YEATS2: variants seen among roughly 807,000 people sequenced by gnomAD.
YEATS2 encodes YEATS domain-containing protein 2.
In YEATS2, 77 loss-of-function variants were observed where a neutral mutation model predicts 163.2. The observed-to-expected ratio is 0.47, with a 90% CI of 0.39 to 0.57. The LOEUF (loss-of-function observed/expected upper bound fraction) is 0.57. Ranked by LOEUF, YEATS2 falls within the 20% of genes least tolerant of loss-of-function variation. The probability of loss-of-function intolerance (pLI) is 0.00; values close to 1 mark genes in which losing one functional copy is unlikely to be tolerated. For missense variants in YEATS2, 1,549 were observed against 1,729.8 expected, an observed-to-expected ratio of 0.90 and a Z score of 1.85; for synonymous variants, 631 against 645.1, an observed-to-expected ratio of 0.98 and a Z score of 0.33.
At chr3:183,716,681 T>C (rs555018650) in intron 2 of YEATS2, among the ~76,000 whole-genome samples, 2 of 152,280 alleles carry the variant, frequency 1.3e-5, no homozygotes, top group Admixed American at 1.3e-4. Flanking sequence ...CAGGGAAAAG[T>C]GATTGTTTTA....
At chr3:183,752,044 A>G (rs1720222133) in intron 9 of YEATS2, 29 bp from the exon 10 acceptor site, 1 of 1,612,648 alleles carries the variant, frequency 6.2e-7, no homozygotes, top group Admixed American at 1.7e-5. Context: ...TGATGGACTC[A>G]TGAGCCTGAT....
chr3:183,720,321 A>C (rs1716362787), intron 4 of YEATS2, among the ~76,000 whole-genome samples: 2 of 152,214 alleles, frequency 1.3e-5, no homozygotes, highest in Admixed American at 1.3e-4. Flanking sequence ...GATTGACCTG[A>C]AATAGGAGTA....
chr3:183,702,886 A>C (rs989046715), intron 1 of YEATS2, among the ~76,000 whole-genome samples: 2 of 151,938 alleles, frequency 1.3e-5, no homozygotes, highest in Admixed American at 6.6e-5. Flanking sequence ...TTCCAGGTGC[A>C]TTAATGGAGA....
At chr3:183,719,350 T>C (rs187249403) in intron 4 of YEATS2, among the ~76,000 whole-genome samples, 1 of 152,136 alleles carries the variant, frequency 6.6e-6, no homozygotes, top group East Asian at 1.9e-4. Context: ...TTGGTCAGGC[T>C]GGTCTTGAAC....
chr3:183,752,141 T>C lies in YEATS2; in HGVS notation c.1038T>C (p.Ser346=). 1 of 1,614,186 alleles carries C rather than the reference T, an allele frequency of 6.2e-7. No individual in the cohort carries two copies. The highest frequency in any genetic ancestry group is 8.5e-7 in the Non-Finnish European group (1 of 1,180,028). The change falls in exon 10 of 31, where the codon TCT becomes TCC. Residue 346 remains serine, a synonymous_variant. Transcript: ENST00000305135. ...GTATCTATCCTCAGTCCTCGGAGTCTGACATCTCTGATGCCCCTCCATCTT... is the reference window on the plus strand; with the variant it reads ...GTATCTATCCTCAGTCCTCGGAGTCCGACATCTCTGATGCCCCTCCATCTT... ...EDCIYPQSSE[S]DISDAPPSLP... is the part of the protein sequence containing the mutation.
At chr3:183,717,851 T>C in intron 3 of YEATS2, 103 bp downstream of exon 3, 4 of 431,744 alleles carry the variant, frequency 9.3e-6, no homozygotes, top group Non-Finnish European at 1.5e-5. Flanking sequence ...TGCTTTATCC[T>C]CCTCTTTGCT....
chr3:183,803,630 A>T (rs1173534819), intron 26 of YEATS2: 1 of 492,612 alleles, frequency 2.0e-6, no homozygotes, highest in East Asian at 3.9e-5. Context: ...AGTTTAGGGA[A>T]AGCTGGGGTA....
At position 183,752,169 on chromosome 3, in the gene YEATS2, C is replaced by T. The variant is rs780153108; in HGVS notation, c.1066C>T (p.Pro356Ser). The change falls in exon 10 of 31, where the codon CCT becomes TCT. Residue 356 changes from proline to serine, a missense_variant. Physicochemically the swap from Pro to Ser is moderately conservative, Grantham distance 74 (BLOSUM62 -1). Transcript: ENST00000305135. ...CATCTCTGATGCCCCTCCATCTTTG[C>T]CTTTGACCATTCCAGCCCCAGTGAA... Reference protein sequence around the residue: ...SDISDAPPSLPLTIPAPVKAS... With the variant: ...SDISDAPPSLSLTIPAPVKAS... The T allele has an allele frequency of 5.0e-6, 8 of 1,614,114 alleles. No homozygotes were observed. The highest frequency in any genetic ancestry group is 6.8e-6 in the Non-Finnish European group (8 of 1,180,024).
chr3:183,773,953 G>A (rs925891814), intron 17 of YEATS2, among the ~76,000 whole-genome samples, 159 bp downstream of exon 17: 12 of 152,202 alleles, frequency 7.9e-5, no homozygotes, highest in African/African-American at 1.4e-4. Context: ...TAACACATAC[G>A]ATAATTTAAC....
chr3:183,772,963 GT>G (rs1722633929), intron 16 of YEATS2, among the ~76,000 whole-genome samples: 3 of 151,962 alleles, frequency 2.0e-5, no homozygotes, highest in Admixed American at 1.3e-4. Flanking sequence ...TCATCTCTAG[GT>G]TATCTTAATA....
intron 11 of YEATS2, among the ~76,000 whole-genome samples, chr3:183,755,822 C>T (rs1041605143): frequency 5.8e-5 from 8 of 136,912 alleles, no homozygotes; most frequent in East Asian, 4.4e-4. Context: ...GGCACGATCT[C>T]GGCTCACTCC....
At chr3:183,738,122 G>A (rs1359541142) in intron 8 of YEATS2, among the ~76,000 whole-genome samples, 2 of 152,108 alleles carry the variant, frequency 1.3e-5, no homozygotes, top group African/African-American at 4.8e-5. Flanking sequence ...TGTGGATTCT[G>A]ACTGTTCCAG....
chr3:183,793,404 G>T, intron 21 of YEATS2: 5 of 1,049,784 alleles, frequency 4.8e-6, no homozygotes, highest in Non-Finnish European at 5.8e-6. Flanking sequence ...GGGAGTACTT[G>T]TTCTCTACTA....
intron 19 of YEATS2, among the ~76,000 whole-genome samples, chr3:183,784,286 A>G (rs1723846686): frequency 6.6e-6 from 1 of 152,120 alleles, no homozygotes; most frequent in Admixed American, 6.6e-5. Context: ...TTTTTTCCAC[A>G]GCCTATCTGG....
At chr3:183,735,238 G>T (rs1267496493) in intron 7 of YEATS2, among the ~76,000 whole-genome samples, 1 of 152,182 alleles carries the variant, frequency 6.6e-6, no homozygotes, top group African/African-American at 2.4e-5. Context: ...TTACCATTTA[G>T]CTTTACTGGA....
chr3:183,705,040 T>G (rs561428147), intron 1 of YEATS2, among the ~76,000 whole-genome samples: 1 of 152,238 alleles, frequency 6.6e-6, no homozygotes, highest in African/African-American at 2.4e-5. Flanking sequence ...ATATCATCTT[T>G]TTTGTTTGTT....
intron 2 of YEATS2, among the ~76,000 whole-genome samples, chr3:183,715,968 T>G (rs1715811810): frequency 6.6e-6 from 1 of 152,098 alleles, no homozygotes; most frequent in Non-Finnish European, 1.5e-5. Context: ...TATTTATTTA[T>G]TTATTTTTTG....
rs1400955911 is a variant in YEATS2, at chr3:183,762,116, C to T, written c.1784C>T (p.Pro595Leu). The change falls in exon 15 of 31, where the codon CCT becomes CTT. Residue 595 changes from proline to leucine, a missense_variant. Physicochemically the swap from Pro to Leu is moderately conservative, Grantham distance 98. Transcript: ENST00000305135. Reference sequence around the variant, plus strand: ...TGCAAGGTGATCATCAAACAGGAACCTGGTGAAGCCCCTCACGTGCCCGCA... The same window carrying T: ...TGCAAGGTGATCATCAAACAGGAACTTGGTGAAGCCCCTCACGTGCCCGCA... ...AFTKVIIKQE[P>L]GEAPHVPATG... 3 of 1,614,090 alleles carry T rather than the reference C, an allele frequency of 1.9e-6. No homozygotes were observed. Among genetic ancestry groups the T allele is most frequent in the South Asian group, 1.1e-5 (1 of 91,076 alleles).
At chr3:183,726,114 G>A (rs1717070179) in intron 6 of YEATS2, among the ~76,000 whole-genome samples, 1 of 151,870 alleles carries the variant, frequency 6.6e-6, no homozygotes, top group Non-Finnish European at 1.5e-5. Flanking sequence ...TGCTTCAAAA[G>A]TGAACCAAGG....
Sources: allele counts gnomAD v4.1 joint callset (sites outside exome capture counted in the v4.1 genomes callset), GRCh38; gene constraint gnomAD v4.1.1; transcripts MANE v1.5; gene names NCBI Gene and HGNC (gene_info 2026-07-23, HGNC 2026-07-21).